The following FBXL7 variants were observed in gnomAD, a reference collection of about 807,000 sequenced individuals.
FBXL7 encodes F-box/LRR-repeat protein 7.
A neutral mutation model predicts 38.3 loss-of-function variants in FBXL7; 12 were observed. That is an observed-to-expected ratio of 0.31 (90% CI 0.20 to 0.51). The LOEUF (loss-of-function observed/expected upper bound fraction) is 0.51, where lower values mean the gene tolerates loss of function less well. Ranked by LOEUF, FBXL7 falls within the 20% of genes least tolerant of loss-of-function variation. The pLI is 0.98. For synonymous variants in FBXL7, 297 were observed against 300.9 expected (o/e 0.99, Z 0.13); for missense variants, 567 against 676.4 (o/e 0.84, Z 1.79).
intron 2 of FBXL7, among the ~76,000 whole-genome samples, chr5:15,884,015 G>C (rs1025326544): frequency 6.6e-6 from 1 of 152,148 alleles, no homozygotes; most frequent in Non-Finnish European, 1.5e-5. Flanking sequence ...AACTTAGGCT[G>C]CTGTAACAAA....
intron 2 of FBXL7, among the ~76,000 whole-genome samples, chr5:15,684,207 G>A (rs544198710): frequency 3.3e-5 from 5 of 152,118 alleles, no homozygotes; most frequent in Admixed American, 2.0e-4. Flanking sequence ...ATGAAGGTAC[G>A]TGAACGAACA....
chr5:15,818,940 A>G (rs1738095930), intron 2 of FBXL7, among the ~76,000 whole-genome samples: 1 of 152,146 alleles, frequency 6.6e-6, no homozygotes, highest in African/African-American at 2.4e-5. Context: ...GCCTCTGAGC[A>G]ATGGCCACAA....
chr5:15,657,424 A>G (rs2126579194), intron 2 of FBXL7, among the ~76,000 whole-genome samples: 1 of 152,354 alleles, frequency 6.6e-6, no homozygotes, highest in East Asian at 1.9e-4. Flanking sequence ...ATTCTATAGA[A>G]CAAATCGAGA....
chr5:15,905,147 T>G (rs545425625), intron 2 of FBXL7, among the ~76,000 whole-genome samples: 5 of 152,216 alleles, frequency 3.3e-5, no homozygotes, highest in Non-Finnish European at 7.3e-5. Context: ...AGACACTGTT[T>G]TAATCAACTT....
At chr5:15,677,575 A>G (rs1449715932) in intron 2 of FBXL7, among the ~76,000 whole-genome samples, 1 of 152,140 alleles carries the variant, frequency 6.6e-6, no homozygotes, top group East Asian at 1.9e-4. Context: ...AAATTTCTAG[A>G]CAGGAGAGAA....
At chr5:15,678,214 G>T (rs1227065747) in intron 2 of FBXL7, among the ~76,000 whole-genome samples, 1 of 152,082 alleles carries the variant, frequency 6.6e-6, no homozygotes, top group Non-Finnish European at 1.5e-5. Context: ...AGAGAGAGAG[G>T]AAATCAAAAT....
intron 2 of FBXL7, among the ~76,000 whole-genome samples, chr5:15,848,240 T>A (rs1738976642): frequency 6.6e-6 from 1 of 152,206 alleles, no homozygotes; most frequent in African/African-American, 2.4e-5. Context: ...CTGTGATAAT[T>A]TGGAAGGCTT....
chr5:15,704,575 TA>T (rs1301708668), intron 2 of FBXL7, among the ~76,000 whole-genome samples: 5 of 152,202 alleles, frequency 3.3e-5, no homozygotes, highest in African/African-American at 1.2e-4. Flanking sequence ...TAAACTCCTG[TA>T]AAAATTTCCC....
intron 2 of FBXL7, among the ~76,000 whole-genome samples, chr5:15,775,050 A>G (rs894879526): frequency 2.6e-5 from 4 of 152,216 alleles, no homozygotes; most frequent in Non-Finnish European, 5.9e-5. Context: ...CATTTCTGAC[A>G]TGATTTTTAA....
At chr5:15,915,688 A>C (rs886432757) in intron 2 of FBXL7, among the ~76,000 whole-genome samples, 14 of 152,188 alleles carry the variant, frequency 9.2e-5, no homozygotes, top group African/African-American at 3.4e-4. Flanking sequence ...AACAGAAGGA[A>C]TGAGCTAGTC....
chr5:15,591,803 C>T (rs1282257278), intron 1 of FBXL7, among the ~76,000 whole-genome samples: 9 of 152,072 alleles, frequency 5.9e-5, no homozygotes, highest in Non-Finnish European at 8.8e-5. Flanking sequence ...CTCCACCTCC[C>T]GGGTTCAAGC....
intron 2 of FBXL7, among the ~76,000 whole-genome samples, chr5:15,762,268 A>G (rs1026735226): frequency 2.0e-5 from 3 of 152,350 alleles, no homozygotes; most frequent in East Asian, 1.9e-4. Context: ...CGTCAAAGAC[A>G]GAAAGACAGA....
chr5:15,589,834 G>T (rs1412040218), intron 1 of FBXL7, among the ~76,000 whole-genome samples: 1 of 152,168 alleles, frequency 6.6e-6, no homozygotes, highest in Admixed American at 6.5e-5. Flanking sequence ...CATCAGAGGT[G>T]ATGATGCACA....
intron 2 of FBXL7, among the ~76,000 whole-genome samples, chr5:15,898,792 A>G (rs540683789): frequency 6.6e-6 from 1 of 152,198 alleles, no homozygotes; most frequent in Non-Finnish European, 1.5e-5. Flanking sequence ...TCAATACCAC[A>G]TGCGTTTGCA....
At chr5:15,714,356 A>C (rs1490280140) in intron 2 of FBXL7, among the ~76,000 whole-genome samples, 1 of 152,146 alleles carries the variant, frequency 6.6e-6, no homozygotes, top group Non-Finnish European at 1.5e-5. Flanking sequence ...TGACTGTGAG[A>C]TTCCTGAGGC....
At chr5:15,736,671 A>G (rs185777840) in intron 2 of FBXL7, among the ~76,000 whole-genome samples, 66 of 152,306 alleles carry the variant, frequency 4.3e-4, no homozygotes, top group Admixed American at 2.0e-3. Context: ...TAGGAAAACA[A>G]TTCTACCAGT....
chr5:15,934,194 G>A (rs1214753505), intron 3 of FBXL7, among the ~76,000 whole-genome samples: 1 of 152,054 alleles, frequency 6.6e-6, no homozygotes, highest in Admixed American at 6.6e-5. Context: ...TAGTAGAGAC[G>A]GGGTTTTGCC....
chr5:15,507,329 G>A (rs1736675076), intron 1 of FBXL7, among the ~76,000 whole-genome samples: 1 of 152,118 alleles, frequency 6.6e-6, no homozygotes, highest in South Asian at 2.1e-4. Flanking sequence ...GTCTAACAAT[G>A]AGAAGATATT....
At chr5:15,801,634 A>AGTGTGT (rs71605509) in intron 2 of FBXL7, among the ~76,000 whole-genome samples, 1,988 of 147,760 alleles carry the variant, frequency 0.013, 46 homozygotes, top group African/African-American at 0.046. Flanking sequence ...AGGGGGAGTC[A>AGTGTGT]GTGTGTGTGT....
Sources: allele counts gnomAD v4.1 joint callset (sites outside exome capture counted in the v4.1 genomes callset), GRCh38; gene constraint gnomAD v4.1.1; transcripts MANE v1.5; gene names NCBI Gene and HGNC (gene_info 2026-07-23, HGNC 2026-07-21).